The following NT5DC2 variants were observed in gnomAD, a reference collection of about 807,000 sequenced individuals.
NT5DC2 encodes the protein 5'-nucleotidase domain containing 2.
Under a neutral mutation model 70.0 loss-of-function variants are expected in NT5DC2, and 41 were observed. The ratio of observed to expected loss-of-function variants is 0.59; its 90% CI spans 0.46 to 0.76. The LOEUF (loss-of-function observed/expected upper bound fraction) is 0.76, where lower values mean the gene tolerates loss of function less well. Among genes scored for constraint, NT5DC2 ranks in the 30% least tolerant of loss-of-function variants. The probability of loss-of-function intolerance (pLI) is 0.00; values close to 1 mark genes in which losing one functional copy is unlikely to be tolerated. For synonymous variants in NT5DC2, 299 were observed against 310.4 expected (o/e 0.96, Z 0.39); for missense variants, 705 against 783.2 (o/e 0.90, Z 1.19).
chr3:52,526,621 C>G (rs1220772719), intron 10 of NT5DC2: 1 of 152,452 alleles, frequency 6.6e-6, no homozygotes, highest in African/African-American at 2.4e-5. Context: ...TGCTCAACCC[C>G]AAGAAATGAC....
In NT5DC2 at chr3:52,529,196, G is replaced by C; in HGVS notation, c.371C>G (p.Pro124Arg). Reference sequence around the variant, plus strand: ...GTCACGGGCGGTACTGAAGATCTCGGGGTGCAGTGCGTCTGCATACTGGGC... The same window carrying C: ...GTCACGGGCGGTACTGAAGATCTCGCGGTGCAGTGCGTCTGCATACTGGGC... ...TLAQYADALH[P>R]EIFSTARDIL... Residue 124 changes from proline (P) to arginine (R), a missense_variant, in exon 2 of 14, where the codon CCC becomes CGC. Transcript: ENST00000422318. This position sits in a 1 kb window ranked among gnomAD's most constrained non-coding sequence, Gnocchi z 4.1. The C allele has an allele frequency of 6.2e-7, 1 of 1,614,136 alleles. No homozygotes were observed. Among genetic ancestry groups the C allele is most frequent in the Non-Finnish European group, 8.5e-7 (1 of 1,180,006 alleles).
upstream of NT5DC2, chr3:52,534,523 C>T (rs771995455): frequency 3.1e-6 from 5 of 1,613,040 alleles, no homozygotes; most frequent in Non-Finnish European, 4.2e-6. Flanking sequence ...CGGCAACTGG[C>T]CGCACTGACC....
At chr3:52,525,533 G>T in intron 10 of NT5DC2, 1 of 550,112 alleles carries the variant, frequency 1.8e-6, no homozygotes, top group Non-Finnish European at 3.3e-6. Context: ...TGCCTCGAGG[G>T]CCTTCTCCCT....
intron 10 of NT5DC2, 99 bp from the exon 11 acceptor site, chr3:52,525,394 C>A (rs904754250): frequency 2.3e-6 from 2 of 859,940 alleles, no homozygotes; most frequent in Non-Finnish European, 3.8e-6. Flanking sequence ...CAGCCGGATG[C>A]TGGCTGCCCT....
rs376710546 is a variant in NT5DC2, at chr3:52,529,323, G to T, written c.244C>A (p.Pro82Thr). The change falls in exon 2 of 14, where the codon CCC becomes ACC. Residue 82 changes from proline to threonine, a missense_variant. By Grantham distance (38) the Pro-to-Thr change is conservative. Transcript: ENST00000422318. The surrounding 1 kb of genome is among the most constrained non-coding windows in gnomAD (Gnocchi z 4.1). ...MRRLVHDLLP[P>T]EVCSLLNPAA... ...GGGTTCAGGAGACTGCAGACCTCGG[G>T]GGGCAGGAGGTCTAGAGGAAGGAGA... 7 of 1,613,518 alleles carry T rather than the reference G, an allele frequency of 4.3e-6. No individual in the cohort carries two copies. The highest frequency in any genetic ancestry group is 5.1e-6 in the Non-Finnish European group (6 of 1,179,924).
chr3:52,529,306 G>A lies in NT5DC2; in HGVS notation c.261C>T (p.Leu87=). The change falls in exon 2 of 14, where the codon CTC becomes CTT. Residue 87 remains leucine, a synonymous_variant. Transcript: ENST00000422318. This position sits in a 1 kb window ranked among gnomAD's most constrained non-coding sequence, Gnocchi z 4.1. ...TGGCGTAGATGGCTGCTGGGTTCAGGAGACTGCAGACCTCGGGGGGCAGGA... is the reference window on the plus strand; with the variant it reads ...TGGCGTAGATGGCTGCTGGGTTCAGAAGACTGCAGACCTCGGGGGGCAGGA... ...HDLLPPEVCS[L]LNPAAIYANN... is the part of the protein sequence containing the mutation. 5 of 1,613,824 alleles carry A rather than the reference G, an allele frequency of 3.1e-6. No individual in the cohort carries two copies. The highest frequency in any genetic ancestry group is 2.2e-5 in the South Asian group (2 of 91,084).
At position 52,528,328 on chromosome 3, in the gene NT5DC2, T is replaced by C; in HGVS notation, c.643-17A>G. The stretch of plus-strand genomic sequence containing the variant: ...GGAGGGACCCTGGGGAGGGGGCCAT[T>C]GTCTCAGACACCCTTTGGGACCCCA... On this transcript the variant is annotated splice_polypyrimidine_tract_variant and intron_variant, in intron 5 of 13. Coordinates refer to ENST00000422318, the MANE Select transcript of NT5DC2 (RefSeq NM_001134231.2). The C allele has an allele frequency of 1.2e-6, 2 of 1,613,146 alleles. No individual in the cohort carries two copies. The highest frequency in any genetic ancestry group is 1.7e-6 in the Non-Finnish European group (2 of 1,179,996).
At chr3:52,530,924 T>G (rs1051836119) in intron 1 of NT5DC2, among the ~76,000 whole-genome samples, 3 of 152,066 alleles carry the variant, frequency 2.0e-5, no homozygotes, top group Non-Finnish European at 4.4e-5. Context: ...ACAGGGTACA[T>G]CTAGTACCCC....
chr3:52,528,475 G>A lies in NT5DC2; in HGVS notation c.613C>T (p.Leu205=), dbSNP rs2079312446. ...ELYGGTQHIP[L]YQMSGFYGKG... ...CCATAGAAGCCACTCATCTGGTATA[G>A]TGGGATGTGCTGGGTACCCCCATAC... The change falls in exon 5 of 14, where the codon CTA becomes TTA. Residue 205 remains leucine, a synonymous_variant. Coordinates refer to ENST00000422318, the MANE Select transcript of NT5DC2 (RefSeq NM_001134231.2). 6.2e-7 allele frequency: 1 copy of A among 1,613,674 alleles called. No individual in the cohort carries two copies. Among genetic ancestry groups the A allele is most frequent in the East Asian group, 2.2e-5 (1 of 44,896 alleles).
chr3:52,533,958 C>T, upstream of NT5DC2: 1 of 429,112 alleles, frequency 2.3e-6, no homozygotes. Context: ...GGGGAGGGCT[C>T]CCCAGCCCCC....
rs2079336526 is a variant in NT5DC2, at chr3:52,529,843, C to CTG, written c.233-510_233-509insCA. 1 of 171,966 alleles carries CTG rather than the reference C, an allele frequency of 5.8e-6. No homozygotes were observed. The highest frequency in any genetic ancestry group is 2.4e-5 in the African/African-American group (1 of 42,260). 10.7% of individuals were successfully genotyped at this position (171,966 alleles called of 1,614,324 possible). A position where few individuals can be genotyped will look rare whatever the true frequency, so the allele number is the denominator to read the frequency against. ...CTCCTCTCAGCTGCCCTGCCCTGCC[C>CTG]CCTGGCCTCATCTCTCAGCCTCCCT... On this transcript the variant is annotated intron_variant, in intron 1 of 13. Transcript: ENST00000422318. This position sits in a 1 kb window ranked among gnomAD's most constrained non-coding sequence, Gnocchi z 4.1.
At position 52,533,827 on chromosome 3, in the gene NT5DC2, G is replaced by A; in HGVS notation, c.-90C>T. 1.0e-6 allele frequency: 1 copy of A among 979,452 alleles called. No homozygotes were observed. The highest frequency in any genetic ancestry group is 1.2e-6 in the Non-Finnish European group (1 of 827,658). The allele number at this position is 979,452 out of a possible 1,614,324, so 60.7% of individuals were successfully genotyped here. On this transcript the variant is annotated 5_prime_UTR_variant, in exon 1 of 14. Coordinates refer to ENST00000422318, the MANE Select transcript of NT5DC2 (RefSeq NM_001134231.2). ...CCTCCGACTGCGCGCCCGCCACGGT[G>A]GCCTCGTGCTCCTCACGGCGGCCGG...
intron 1 of NT5DC2, among the ~76,000 whole-genome samples, 187 bp downstream of exon 1, chr3:52,533,319 G>A (rs893224318): frequency 7.9e-5 from 12 of 152,016 alleles, no homozygotes; most frequent in African/African-American, 2.9e-4. Context: ...CCGGGCGTCG[G>A]GGCGCCCCAG....
intron 1 of NT5DC2, among the ~76,000 whole-genome samples, chr3:52,530,344 GATGGGGCTGAGAGGCCCC>G (rs1269584089): frequency 6.6e-6 from 1 of 152,208 alleles, no homozygotes; most frequent in Admixed American, 6.5e-5. Flanking sequence ...CAAGGAGGCA[GATGGGGCTGAGAGGCCCC>G]ATGTTACCTG....
In NT5DC2 at chr3:52,524,956, C is replaced by A; in HGVS notation, c.1347+7G>T. On this transcript the variant is annotated splice_region_variant and intron_variant, in intron 12 of 13. Transcript: ENST00000422318. ...CCTGGCCCTCCCACAGCCACCCCGG[C>A]CCACACCTGCATGCGCTCCAGCAGC... 5 of 1,612,142 alleles carry A rather than the reference C, an allele frequency of 3.1e-6. No homozygotes were observed. Among genetic ancestry groups the A allele is most frequent in the Non-Finnish European group, 4.2e-6 (5 of 1,179,762 alleles).
chr3:52,529,044 C>G lies in NT5DC2; in HGVS notation c.417+106G>C, dbSNP rs2079323747. The G allele has an allele frequency of 6.3e-7, 1 of 1,586,852 alleles. No individual in the cohort carries two copies. The highest frequency in any genetic ancestry group is 1.7e-5 in the Admixed American group (1 of 59,062). On this transcript the variant is annotated intron_variant, in intron 2 of 13. Transcript: ENST00000422318. This position sits in a 1 kb window ranked among gnomAD's most constrained non-coding sequence, Gnocchi z 4.1. ...CCACCTGCCCAGGGCAGCTGCCAGG[C>G]AAGAGGGCCAGGGGAGCCCCACGAC...
rs1419113305 is a variant in NT5DC2 at position 52,527,879 on chromosome 3, C to T, written c.885G>A (p.Val295=). The change falls in exon 8 of 14, where the codon GTG becomes GTA. Residue 295 remains valine, a synonymous_variant. Coordinates refer to ENST00000422318, the MANE Select transcript of NT5DC2 (RefSeq NM_001134231.2). ...TGAGGAACAGCTGTTTCCCATGGGC[C>T]ACCAGGCGGCTCAGGACAGCAAACG... The part of the protein sequence containing the change: ...DETFAVLSRL[V]AHGKQLFLIT... The T allele has an allele frequency of 4.3e-6, 7 of 1,613,478 alleles. No individual in the cohort carries two copies. Among genetic ancestry groups the T allele is most frequent in the Non-Finnish European group, 5.9e-6 (7 of 1,180,038 alleles).
Position 52,529,477 on chromosome 3 carries a change from G to T in NT5DC2, c.233-143C>A. ...CACCTCTTATTCCAGTGCTGGAGAT[G>T]GTCAAACAGGCCCAGAGAGAAGTCA... is the stretch of plus-strand genomic sequence containing the variant. On this transcript the variant is annotated intron_variant, in intron 1 of 13. Transcript: ENST00000422318. The surrounding 1 kb of genome is among the most constrained non-coding windows in gnomAD (Gnocchi z 4.1). The T allele has an allele frequency of 2.6e-6, 2 of 778,050 alleles. No homozygotes were observed. The highest frequency in any genetic ancestry group is 4.2e-6 in the Non-Finnish European group (2 of 480,644). The allele number at this position is 778,050 out of a possible 1,614,324, so 48.2% of individuals were successfully genotyped here.
In NT5DC2 at chr3:52,528,930, T is replaced by C. The variant is rs143147263; in HGVS notation, c.423A>G (p.Pro141=). 1 of 1,614,004 alleles carries C rather than the reference T, an allele frequency of 6.2e-7. No homozygotes were observed. Among genetic ancestry groups the C allele is most frequent in the African/African-American group, 1.3e-5 (1 of 75,040 alleles). The change falls in exon 3 of 14, where the codon CCA becomes CCG. Residue 141 remains proline, a synonymous_variant. Transcript: ENST00000422318. The part of the protein sequence containing the change: ...RDILIEHYKY[P]EGIRKYDYNP... ...TGTAGTCATACTTCCGAATCCCTTC[T>C]GGGTACTGCCGGGGGAAAGGGGCCA... is the stretch of plus-strand genomic sequence containing the variant.
Sources: gnomAD v4.1 joint callset for allele counts (sites outside exome capture counted in the v4.1 genomes callset) on GRCh38, gnomAD v4.1.1 for gene constraint, Gnocchi (gnomAD v3.1) non-coding constraint, MANE v1.5 for transcripts, NCBI Gene and HGNC (gene_info 2026-07-23, HGNC 2026-07-21) for gene names.